The following LONRF2 variants were observed in gnomAD, a reference collection of about 807,000 sequenced individuals.
LONRF2 encodes LON peptidase N-terminal domain and ring finger 2.
A neutral mutation model predicts 66.6 loss-of-function variants in LONRF2; 35 were observed. The observed-to-expected ratio is 0.53, with a 90% CI of 0.40 to 0.70. The LOEUF (loss-of-function observed/expected upper bound fraction) is 0.70, where lower values mean the gene tolerates loss of function less well. LONRF2 is among the 30% of genes least tolerant of loss of function. The pLI, the probability that LONRF2 is intolerant of heterozygous loss-of-function variation, is 0.00. For synonymous variants in LONRF2, 417 were observed against 418.1 expected (o/e 1.00, Z 0.03); for missense variants, 902 against 1,002.1 (o/e 0.90, Z 1.35).
intron 1 of LONRF2, among the ~76,000 whole-genome samples, chr2:100,317,836 C>T (rs193242475): frequency 1.3e-5 from 2 of 152,132 alleles, no homozygotes; most frequent in South Asian, 2.1e-4. Flanking sequence ...ATGATTCCTT[C>T]GAAGGAAATA....
intron 1 of LONRF2, among the ~76,000 whole-genome samples, chr2:100,319,663 T>C (rs1573130284): frequency 1.3e-5 from 2 of 152,252 alleles, no homozygotes; most frequent in Admixed American, 6.5e-5. Context: ...TTTGTCCACA[T>C]TGTAGTTTGT....
Position 100,300,741 on chromosome 2 carries a change from T to C in LONRF2, c.968A>G (p.Asn323Ser), listed in dbSNP as rs1675168675. The C allele has an allele frequency of 1.2e-6, 2 of 1,613,222 alleles. No individual in the cohort carries two copies. The highest frequency in any genetic ancestry group is 3.3e-5 in the Admixed American group (2 of 59,804). Residue 323 changes from asparagine to serine, a missense_variant, in exon 4 of 12, where the codon AAT becomes AGT. Transcript: ENST00000393437. ...LFSATANVHE[N>S]LTSSIQSRLK... The stretch of plus-strand genomic sequence containing the variant: ...TCTGCTTTGGATGGAAGATGTTAAA[T>C]TTTCATGCACATTTGCTGTAGCTGA...
At chr2:100,297,679 C>T (rs1675098700) in intron 7 of LONRF2, among the ~76,000 whole-genome samples, 1 of 152,162 alleles carries the variant, frequency 6.6e-6, no homozygotes, top group Admixed American at 6.5e-5. Context: ...GAAAACTGCA[C>T]AGGGGCCACC....
intron 3 of LONRF2, among the ~76,000 whole-genome samples, chr2:100,301,466 T>C (rs1252284285): frequency 6.6e-6 from 1 of 152,222 alleles, no homozygotes; most frequent in African/African-American, 2.4e-5. Context: ...CTGTTCCTCA[T>C]GGTTCAAGGT....
chr2:100,300,295 C>A (rs1675159469), intron 4 of LONRF2, among the ~76,000 whole-genome samples: 1 of 151,678 alleles, frequency 6.6e-6, no homozygotes, highest in South Asian at 2.1e-4. Context: ...TACATGTGTA[C>A]AACGTGCAGG....
chr2:100,306,079 T>C (rs928574562), intron 2 of LONRF2, among the ~76,000 whole-genome samples: 3 of 149,934 alleles, frequency 2.0e-5, no homozygotes, highest in African/African-American at 7.4e-5. Flanking sequence ...ATTTTTTGTG[T>C]GTGTGTGTAT....
At chr2:100,311,777 T>C (rs910652354) in intron 1 of LONRF2, among the ~76,000 whole-genome samples, 2 of 152,194 alleles carry the variant, frequency 1.3e-5, no homozygotes, top group African/African-American at 2.4e-5. Flanking sequence ...TTGAATTTTA[T>C]AGACTGCTTT....
chr2:100,288,520 T>C (rs1674892379), intron 10 of LONRF2, among the ~76,000 whole-genome samples: 1 of 152,222 alleles, frequency 6.6e-6, no homozygotes, highest in South Asian at 2.1e-4. Flanking sequence ...AGTGCATAGA[T>C]CTTGTTGAGC....
At chr2:100,302,304 G>T (rs1675200948) in intron 3 of LONRF2, among the ~76,000 whole-genome samples, 1 of 152,150 alleles carries the variant, frequency 6.6e-6, no homozygotes, top group South Asian at 2.1e-4. Flanking sequence ...TTCATTTTCT[G>T]TTGCTCCAGA....
In LONRF2 at chr2:100,281,071, A is replaced by G. The variant is rs939856970; in HGVS notation, c.*3227T>C. ...TTTTAAAGCCCTTAAAAATTATAAC[A>G]AATTCTATGTAACACAGGCAATGGA... On this transcript the variant is annotated 3_prime_UTR_variant, in exon 12 of 12. Coordinates refer to ENST00000393437, the MANE Select transcript of LONRF2 (RefSeq NM_198461.4). The G allele has an allele frequency of 6.6e-6, 1 of 152,202 alleles. No individual in the cohort carries two copies. The highest frequency in any genetic ancestry group is 2.4e-5 in the African/African-American group (1 of 41,450). The allele number at this position is 152,202 out of a possible 1,614,324, so 9.4% of individuals were successfully genotyped here. A position where few individuals can be genotyped will look rare whatever the true frequency, so the allele number is the denominator to read the frequency against.
chr2:100,307,496 A>G (rs761034882), intron 2 of LONRF2, among the ~76,000 whole-genome samples: 1 of 152,248 alleles, frequency 6.6e-6, no homozygotes, highest in Non-Finnish European at 1.5e-5. Flanking sequence ...GGCAATGCAG[A>G]GCTGCTGTCA....
At position 100,272,235 on chromosome 2, in the gene LONRF2, T is replaced by C. The variant is rs60501704; in HGVS notation, c.*12063A>G. On this transcript the variant is annotated 3_prime_UTR_variant, in exon 12 of 12. Transcript: ENST00000393437. ...GTATGCAGGGTTAGGTGCAGTGGCT[T>C]ATGCCTGCAATCTCACACTTTGGGA... Among the ~76,000 whole-genome samples the C allele has an allele frequency of 0.23, 34,357 of 152,170 alleles. 4,250 individuals carry two copies. The highest frequency in any genetic ancestry group is 0.33 in the Admixed American group (4,980 of 15,286).
At position 100,272,385 on chromosome 2, in the gene LONRF2, G is replaced by A. The variant is rs1194301653; in HGVS notation, c.*11913C>T. Among the ~76,000 whole-genome samples, 1 of 152,150 alleles carries A rather than the reference G, an allele frequency of 6.6e-6. No homozygotes were observed. Among genetic ancestry groups the A allele is most frequent in the Admixed American group, 6.5e-5 (1 of 15,276 alleles). ...ATAGCGGCATGCACCTGTGGTCCCA[G>A]CTACTCAGAAGGTTGAGGCAGGACA... On this transcript the variant is annotated 3_prime_UTR_variant, in exon 12 of 12. Transcript: ENST00000393437.
At chr2:100,308,253 C>A (rs1430816677) in intron 2 of LONRF2, among the ~76,000 whole-genome samples, 1 of 151,912 alleles carries the variant, frequency 6.6e-6, no homozygotes, top group Non-Finnish European at 1.5e-5. Flanking sequence ...ACCTGTAGTC[C>A]CAGCTATGCG....
At chr2:100,315,627 C>CT (rs1675491191) in intron 1 of LONRF2, among the ~76,000 whole-genome samples, 2 of 152,056 alleles carry the variant, frequency 1.3e-5, no homozygotes, top group Non-Finnish European at 2.9e-5. Context: ...TATCATTTTT[C>CT]TTTTTTCTGT....
At chr2:100,296,617 TTGAC>T (rs1196304693) in intron 7 of LONRF2, among the ~76,000 whole-genome samples, 2 of 152,314 alleles carry the variant, frequency 1.3e-5, no homozygotes, top group African/African-American at 4.8e-5. Context: ...ATTGCTGTGA[TTGAC>T]TGAGAACCAG....
In LONRF2 at chr2:100,309,096, A is replaced by C. The variant is rs1361674650; in HGVS notation, c.798+11T>G. The stretch of plus-strand genomic sequence containing the variant: ...ACATTGATTATCTCCAAAGCTAACA[A>C]ATACAAATACCTTAATCAAGAGAGG... On this transcript the variant is annotated intron_variant, in intron 2 of 11. Transcript: ENST00000393437. 6.6e-7 allele frequency: 1 copy of C among 1,513,334 alleles called. No individual in the cohort carries two copies. Among genetic ancestry groups the C allele is most frequent in the African/African-American group, 1.4e-5 (1 of 71,378 alleles). 93.7% of individuals were successfully genotyped at this position (1,513,334 alleles called of 1,614,324 possible). A position where few individuals can be genotyped will look rare whatever the true frequency, so the allele number is the denominator to read the frequency against.
chr2:100,301,687 G>A (rs1675188234), intron 3 of LONRF2, among the ~76,000 whole-genome samples: 1 of 152,228 alleles, frequency 6.6e-6, no homozygotes, highest in Non-Finnish European at 1.5e-5. Context: ...CACCATGTCT[G>A]AAAACGCTCC....
chr2:100,321,983 G>C lies in LONRF2; in HGVS notation c.111C>G (p.Gly37=), dbSNP rs1305104462. ...AGAGCTCGGCTGCCATCTCGTAGTC[G>C]CCCGCGCGGAAGGCCTCGTCGCCCT... ...LEEGDEAFRA[G]DYEMAAELFR... The change falls in exon 1 of 12, where the codon GGC becomes GGG. Residue 37 remains glycine (G), a synonymous_variant. Transcript: ENST00000393437. The C allele has an allele frequency of 6.8e-7, 1 of 1,464,452 alleles. No individual in the cohort carries two copies. The highest frequency in any genetic ancestry group is 2.2e-5 in the Admixed American group (1 of 44,880). 90.7% of individuals were successfully genotyped at this position (1,464,452 alleles called of 1,614,324 possible).
Sources: gnomAD v4.1 joint callset for allele counts (sites outside exome capture counted in the v4.1 genomes callset) on GRCh38, gnomAD v4.1.1 for gene constraint, MANE v1.5 for transcripts, NCBI Gene and HGNC (gene_info 2026-07-23, HGNC 2026-07-21) for gene names.